XKR4: variants seen among roughly 807,000 people sequenced by gnomAD.
XKR4 encodes XK-related protein 4.
Under a neutral mutation model 53.9 loss-of-function variants are expected in XKR4, and 12 were observed. The observed-to-expected ratio is 0.22, with a 90% confidence interval of 0.14 to 0.36. The LOEUF is 0.36. XKR4 is among the 10% of genes least tolerant of loss of function. The probability of loss-of-function intolerance (pLI) is 1.00; values close to 1 mark genes in which losing one functional copy is unlikely to be tolerated. For synonymous variants in XKR4, 354 were observed against 362.4 expected (o/e 0.98, Z 0.26); for missense variants, 799 against 859.5 (o/e 0.93, Z 0.88).
chr8:55,284,385 A>C (rs564201176), intron 1 of XKR4, among the ~76,000 whole-genome samples: 2 of 152,232 alleles, frequency 1.3e-5, no homozygotes, highest in South Asian at 4.2e-4. Flanking sequence ...CTGGCTCAGA[A>C]TCTCCCATGA....
intron 1 of XKR4, among the ~76,000 whole-genome samples, chr8:55,278,443 T>G (rs936744653): frequency 8.5e-5 from 13 of 152,130 alleles, no homozygotes; most frequent in Non-Finnish European, 1.8e-4. Flanking sequence ...AATCAATATC[T>G]TCACACAATT....
Position 55,527,995 on chromosome 8 carries a change from T to C in XKR4, c.*3768T>C, listed in dbSNP as rs540677452. 1.3e-5 allele frequency: 2 copies of C among 152,046 alleles called. No individual in the cohort carries two copies. Among genetic ancestry groups the C allele is most frequent in the South Asian group, 4.2e-4 (2 of 4,818 alleles). The allele number at this position is 152,046 out of a possible 1,614,324, so 9.4% of individuals were successfully genotyped here. ...ATATGTATATATACGTACCTATATA[T>C]GTATGTACACACACACACACACACA... On this transcript the variant is annotated 3_prime_UTR_variant, in exon 3 of 3. Coordinates refer to ENST00000327381, the MANE Select transcript of XKR4 (RefSeq NM_052898.2).
At chr8:55,233,171 A>C (rs1818068792) in intron 1 of XKR4, among the ~76,000 whole-genome samples, 1 of 152,198 alleles carries the variant, frequency 6.6e-6, no homozygotes, top group Non-Finnish European at 1.5e-5. Flanking sequence ...GAGCTGCCTC[A>C]CAGAAATCCA....
intron 2 of XKR4, among the ~76,000 whole-genome samples, chr8:55,471,493 C>T (rs191352914): frequency 3.3e-5 from 5 of 152,228 alleles, no homozygotes; most frequent in Admixed American, 2.6e-4. Context: ...GTACCAAGCC[C>T]TCCCAGGGAT....
intron 2 of XKR4, among the ~76,000 whole-genome samples, chr8:55,477,552 C>T (rs376681102): frequency 7.2e-5 from 11 of 152,150 alleles, no homozygotes; most frequent in South Asian, 4.1e-4. Flanking sequence ...CAAAGCTGGA[C>T]GGAGAATGAC....
At chr8:55,131,021 T>C (rs962769847) in intron 1 of XKR4, among the ~76,000 whole-genome samples, 40 of 151,972 alleles carry the variant, frequency 2.6e-4, no homozygotes, top group African/African-American at 8.9e-4. Context: ...TAGCCAGGCA[T>C]GATGGTGCAC....
At chr8:55,473,942 G>A in intron 2 of XKR4, among the ~76,000 whole-genome samples, 1 of 135,728 alleles carries the variant, frequency 7.4e-6, no homozygotes, top group Non-Finnish European at 1.5e-5. Context: ...ATATTGTTCT[G>A]TCATCCAGGC....
chr8:55,354,960 A>C (rs1355303621), intron 1 of XKR4, among the ~76,000 whole-genome samples: 2 of 151,178 alleles, frequency 1.3e-5, no homozygotes, highest in Non-Finnish European at 2.9e-5. Context: ...ATGGAGCGCA[A>C]TGACATGATC....
chr8:55,444,122 G>A (rs1805311847), intron 2 of XKR4, among the ~76,000 whole-genome samples: 1 of 152,174 alleles, frequency 6.6e-6, no homozygotes, highest in Non-Finnish European at 1.5e-5. Context: ...AGGGAGCTGA[G>A]ATAGCACCAC....
chr8:55,389,111 G>A (rs143427366), intron 2 of XKR4, among the ~76,000 whole-genome samples: 260 of 152,304 alleles, frequency 1.7e-3, no homozygotes, highest in African/African-American at 5.9e-3. Flanking sequence ...GAAGACTGTT[G>A]TCTCGCTGCC....
At chr8:55,237,163 G>C (rs533549021) in intron 1 of XKR4, among the ~76,000 whole-genome samples, 1 of 152,046 alleles carries the variant, frequency 6.6e-6, no homozygotes, top group Admixed American at 6.6e-5. Context: ...ACTCTCCTTC[G>C]CGGAGATGAA....
intron 1 of XKR4, among the ~76,000 whole-genome samples, chr8:55,224,498 A>G (rs1395695660): frequency 3.9e-5 from 6 of 152,172 alleles, no homozygotes; most frequent in Admixed American, 3.9e-4. Context: ...TTTGTCACTT[A>G]CTTTTAATTA....
At chr8:55,452,408 C>T in intron 2 of XKR4, 1 of 628,012 alleles carries the variant, frequency 1.6e-6, no homozygotes, top group South Asian at 1.7e-5. Context: ...AGAGGGCGCC[C>T]TCAGCTGGGA....
intron 2 of XKR4, among the ~76,000 whole-genome samples, chr8:55,514,700 C>CT (rs1212657984): frequency 1.3e-5 from 2 of 151,328 alleles, no homozygotes; most frequent in Non-Finnish European, 1.5e-5. Flanking sequence ...CATTCAGTGT[C>CT]TTTTTTTTTA....
intron 2 of XKR4, chr8:55,450,413 C>T: frequency 1.7e-6 from 1 of 578,832 alleles, no homozygotes; most frequent in Non-Finnish European, 3.1e-6. Flanking sequence ...TGGAACATGG[C>T]TGTCCTCTTG....
intron 1 of XKR4, among the ~76,000 whole-genome samples, chr8:55,334,287 A>G (rs989470135): frequency 6.6e-6 from 1 of 152,176 alleles, no homozygotes; most frequent in African/African-American, 2.4e-5. Flanking sequence ...TCACAAATAC[A>G]TTTATGGAAG....
In XKR4 at chr8:55,326,490, A is replaced by C. The variant is rs1406840412; in HGVS notation, c.807-31188A>C. Among the ~76,000 whole-genome samples, 7 of 63,882 alleles carry C rather than the reference A, an allele frequency of 1.1e-4. 1 individual carries two copies. The highest frequency in any genetic ancestry group is 1.7e-4 in the Non-Finnish European group (6 of 34,682). The allele number at this position is 63,882 out of a possible 152,430, so 41.9% of individuals were successfully genotyped here. A position where few individuals can be genotyped will look rare whatever the true frequency, so the allele number is the denominator to read the frequency against. ...TTCCTTTTTTTTTTTTTTTTTTTGG[A>C]AACAGAGTTTTGCTCTGTCACCCAG... On this transcript the variant is annotated intron_variant, in intron 1 of 2. Coordinates refer to ENST00000327381, the MANE Select transcript of XKR4 (RefSeq NM_052898.2).
At chr8:55,302,441 C>T (rs1361713857) in intron 1 of XKR4, among the ~76,000 whole-genome samples, 3 of 152,170 alleles carry the variant, frequency 2.0e-5, no homozygotes, top group Non-Finnish European at 4.4e-5. Context: ...ATGCCTCCAG[C>T]TTTGTTCTTT....
chr8:55,156,414 G>A (rs1404370527), intron 1 of XKR4, among the ~76,000 whole-genome samples: 4 of 143,130 alleles, frequency 2.8e-5, no homozygotes, highest in Non-Finnish European at 6.1e-5. Context: ...GTAAGATGGC[G>A]AGGTGGGGGT....
Sources: gnomAD v4.1 joint callset for allele counts (sites outside exome capture counted in the v4.1 genomes callset) on GRCh38, gnomAD v4.1.1 for gene constraint, MANE v1.5 for transcripts, NCBI Gene and HGNC (gene_info 2026-07-23, HGNC 2026-07-21) for gene names.